The following SUPT3H variants were observed in gnomAD, a reference collection of about 807,000 sequenced individuals.
SUPT3H encodes the protein SPT3 homolog, SAGA and STAGA complex component.
In SUPT3H, 44 loss-of-function variants were observed where a neutral mutation model predicts 44.3. The ratio of observed to expected loss-of-function variants is 0.99; its 90% confidence interval spans 0.78 to 1.28. The LOEUF is 1.28. Among genes scored for constraint, SUPT3H ranks in the 50% most tolerant of loss-of-function variants. SUPT3H has a pLI of 0.00. For missense variants in SUPT3H, 380 were observed against 387.1 expected (o/e 0.98, Z 0.15); for synonymous variants, 124 against 125.6 (o/e 0.99, Z 0.09).
chr6:45,271,987 C>A (rs550198418), intron 2 of SUPT3H, among the ~76,000 whole-genome samples: 11 of 152,262 alleles, frequency 7.2e-5, no homozygotes, highest in Admixed American at 2.6e-4. Flanking sequence ...GGGCCTGTAG[C>A]CCCTTTGTTT....
chr6:45,073,096 C>T (rs1389365598), intron 3 of SUPT3H, among the ~76,000 whole-genome samples: 2 of 152,062 alleles, frequency 1.3e-5, no homozygotes, highest in Non-Finnish European at 2.9e-5. Context: ...TCTATACTCA[C>T]AGACAAGATT....
chr6:45,175,012 T>TAAAAAAA (rs57838175), intron 2 of SUPT3H, among the ~76,000 whole-genome samples: 11 of 62,530 alleles, frequency 1.8e-4, no homozygotes, highest in East Asian at 6.7e-4. Flanking sequence ...CCCTCGTCAC[T>TAAAAAAA]AAAAAAAAAA....
At position 44,974,997 on chromosome 6, in the gene SUPT3H, C is replaced by G. The variant is rs573696488; in HGVS notation, c.505-13169G>C. Among the ~76,000 whole-genome samples the G allele has an allele frequency of 1.8e-4, 27 of 152,078 alleles. No individual in the cohort carries two copies. In the East Asian group the frequency reaches 4.5e-3, roughly 25 times the overall value. On this transcript the variant is annotated intron_variant, in intron 6 of 10. Transcript: ENST00000371459. ...ACCAGCCTGACCAATATGGTAAGACCCCGTCTCTACTAAAAATACAAAAAT... is the reference window on the plus strand; with the variant it reads ...ACCAGCCTGACCAATATGGTAAGACGCCGTCTCTACTAAAAATACAAAAAT...
intron 10 of SUPT3H, among the ~76,000 whole-genome samples, chr6:44,895,242 T>G (rs1763945178): frequency 7.0e-6 from 1 of 143,766 alleles, no homozygotes; most frequent in Non-Finnish European, 1.5e-5. Flanking sequence ...TTGTTTGTCA[T>G]CACTTAGTCT....
chr6:45,219,292 A>G (rs1765598429), intron 2 of SUPT3H, among the ~76,000 whole-genome samples: 1 of 152,132 alleles, frequency 6.6e-6, no homozygotes, highest in African/African-American at 2.4e-5. Context: ...AATCCATAAA[A>G]GAACTGGTTC....
intron 2 of SUPT3H, among the ~76,000 whole-genome samples, chr6:45,123,470 C>T (rs1376456472): frequency 1.3e-5 from 2 of 151,126 alleles, no homozygotes; most frequent in African/African-American, 2.4e-5. Flanking sequence ...ACCCTCTGGT[C>T]TCAAGTGATC....
intron 2 of SUPT3H, among the ~76,000 whole-genome samples, chr6:45,315,922 C>CACAT (rs1784604674): frequency 6.9e-6 from 1 of 145,476 alleles, no homozygotes; most frequent in African/African-American, 2.6e-5. Context: ...CTCAGATAGA[C>CACAT]AGATAGATAG....
At chr6:44,844,842 T>G (rs1771600497) in intron 10 of SUPT3H, among the ~76,000 whole-genome samples, 1 of 152,182 alleles carries the variant, frequency 6.6e-6, no homozygotes, top group African/African-American at 2.4e-5. Flanking sequence ...GCTATATACA[T>G]TTGTCAAAAT....
chr6:44,863,618 C>A (rs1484648732), intron 10 of SUPT3H, among the ~76,000 whole-genome samples: 1 of 151,920 alleles, frequency 6.6e-6, no homozygotes, highest in African/African-American at 2.4e-5. Flanking sequence ...GTGGCTGCAG[C>A]AGAATGAGCA....
chr6:44,877,622 A>G (rs1047962726), intron 10 of SUPT3H, among the ~76,000 whole-genome samples: 5 of 152,226 alleles, frequency 3.3e-5, no homozygotes, highest in Non-Finnish European at 2.9e-5. Flanking sequence ...CTTCTTCAGC[A>G]TGGCTAAAGG....
At chr6:45,376,432 T>C (rs1402411241) in intron 1 of SUPT3H, among the ~76,000 whole-genome samples, 1 of 151,456 alleles carries the variant, frequency 6.6e-6, no homozygotes, top group Non-Finnish European at 1.5e-5. Flanking sequence ...TAAATCAATT[T>C]ATTAATTTAT....
chr6:44,918,464 A>G (rs1346638811), intron 10 of SUPT3H, among the ~76,000 whole-genome samples: 4 of 152,214 alleles, frequency 2.6e-5, no homozygotes, highest in African/African-American at 7.2e-5. Context: ...CATTTGGAAT[A>G]AAGAGATCGA....
At chr6:45,362,391 T>G (rs921462192) in intron 2 of SUPT3H, among the ~76,000 whole-genome samples, 1 of 152,174 alleles carries the variant, frequency 6.6e-6, no homozygotes, top group Non-Finnish European at 1.5e-5. Flanking sequence ...CTTAGAACTA[T>G]GAACAGCAGC....
chr6:44,858,653 T>G (rs190374734), intron 10 of SUPT3H, among the ~76,000 whole-genome samples: 3 of 152,208 alleles, frequency 2.0e-5, no homozygotes, highest in Admixed American at 6.6e-5. Flanking sequence ...TTTATCCCTG[T>G]GCTTTATCTC....
intron 2 of SUPT3H, among the ~76,000 whole-genome samples, chr6:45,201,680 G>A (rs184886639): frequency 2.2e-4 from 34 of 151,856 alleles, no homozygotes; most frequent in Admixed American, 5.2e-4. Flanking sequence ...CACAGAATAG[G>A]ACAGAGAGAA....
chr6:45,207,569 G>C (rs1473288717), intron 2 of SUPT3H, among the ~76,000 whole-genome samples: 1 of 152,104 alleles, frequency 6.6e-6, no homozygotes, highest in Non-Finnish European at 1.5e-5. Flanking sequence ...GTCATTTGTG[G>C]CAAGTCTACT....
At chr6:44,969,744 G>A (rs1380848568) in intron 6 of SUPT3H, among the ~76,000 whole-genome samples, 51 of 152,092 alleles carry the variant, frequency 3.4e-4, no homozygotes, top group Admixed American at 3.2e-3. Context: ...GAATTACATC[G>A]ACTTGAATAG....
chr6:44,994,643 C>T (rs1474112307), intron 6 of SUPT3H, among the ~76,000 whole-genome samples: 1 of 152,060 alleles, frequency 6.6e-6, no homozygotes, highest in Non-Finnish European at 1.5e-5. Context: ...GTGACCCAAG[C>T]CTTTTTAAGA....
Position 45,276,782 on chromosome 6 carries a change from C to T in SUPT3H, c.101+88419G>A, listed in dbSNP as rs115718708. ...TTAAGGCCATCCAAAATCAGCAGAGCTGCCTAGCTGACCATCATACACACA... is the reference window on the plus strand; with the variant it reads ...TTAAGGCCATCCAAAATCAGCAGAGTTGCCTAGCTGACCATCATACACACA... On this transcript the variant is annotated intron_variant, in intron 2 of 10. Transcript: ENST00000371459. Among the ~76,000 whole-genome samples, 352 of 152,326 alleles carry T rather than the reference C, an allele frequency of 2.3e-3. 1 individual carries two copies. The highest frequency in any genetic ancestry group is 7.7e-3 in the African/African-American group (321 of 41,580).
Sources: gnomAD v4.1 joint callset for allele counts (sites outside exome capture counted in the v4.1 genomes callset) on GRCh38, gnomAD v4.1.1 for gene constraint, MANE v1.5 for transcripts, NCBI Gene and HGNC (gene_info 2026-07-23, HGNC 2026-07-21) for gene names.